The following TLK1 variants were observed in gnomAD, a reference collection of about 807,000 sequenced individuals.
The protein encoded by TLK1 is serine/threonine-protein kinase tousled-like 1.
Under a neutral mutation model 105.3 loss-of-function variants are expected in TLK1, and 24 were observed. That is an observed-to-expected ratio of 0.23 (90% confidence interval 0.17 to 0.32). TLK1 has a LOEUF of 0.32. Ranked by LOEUF, TLK1 falls within the 10% of genes least tolerant of loss-of-function variation. The probability of loss-of-function intolerance (pLI) is 1.00; values close to 1 mark genes in which losing one functional copy is unlikely to be tolerated. For synonymous variants in TLK1, 321 were observed against 310.4 expected (o/e 1.03, Z -0.36); for missense variants, 558 against 910.5 (o/e 0.61, Z 4.98).
intron 2 of TLK1, among the ~76,000 whole-genome samples, chr2:171,100,337 T>C (rs956647720): frequency 1.7e-4 from 26 of 152,178 alleles, no homozygotes; most frequent in Non-Finnish European, 3.5e-4. Context: ...GCTTGTGTTA[T>C]ATCTCCCTCA....
intron 1 of TLK1, among the ~76,000 whole-genome samples, chr2:171,188,434 G>A (rs1014200401): frequency 1.3e-5 from 2 of 151,620 alleles, no homozygotes; most frequent in East Asian, 1.9e-4. Context: ...GGCCAAGCAC[G>A]GTGGTTCACG....
At chr2:171,195,543 C>T (rs943239883) in intron 1 of TLK1, among the ~76,000 whole-genome samples, 1 of 150,560 alleles carries the variant, frequency 6.6e-6, no homozygotes. Flanking sequence ...CATGGATAAG[C>T]TCTATATTTG....
At chr2:171,110,362 G>A (rs1007765717) in intron 2 of TLK1, among the ~76,000 whole-genome samples, 42 of 152,138 alleles carry the variant, frequency 2.8e-4, no homozygotes, top group Non-Finnish European at 1.2e-4. Flanking sequence ...CCAGCTACTC[G>A]GGAGGCTGAG....
At chr2:171,161,129 G>GCTCC (rs1210337943), upstream of TLK1, among the ~76,000 whole-genome samples, 2 of 147,712 alleles carry the variant, frequency 1.4e-5, no homozygotes, top group Non-Finnish European at 3.0e-5. Flanking sequence ...GCCGCGCGGC[G>GCTCC]CGGGAGCCCG....
chr2:171,182,053 T>G (rs1002320130), intron 1 of TLK1, among the ~76,000 whole-genome samples: 1 of 152,218 alleles, frequency 6.6e-6, no homozygotes. Context: ...CCTGAGCATG[T>G]AGAGAAAAAT....
upstream of TLK1, chr2:171,160,984 G>A (rs1692477182): frequency 5.0e-6 from 1 of 198,272 alleles, no homozygotes; most frequent in South Asian, 1.4e-4. The surrounding 1 kb of genome is among the most constrained non-coding windows in gnomAD (Gnocchi z 4.4). Flanking sequence ...CGGCGGCGGC[G>A]GCGGCAGCGG....
At position 171,160,335 on chromosome 2, in the gene TLK1, T is replaced by TGGC; in HGVS notation, c.91_93dup (p.Ala31dup). On this transcript the variant is annotated inframe_insertion, in exon 1 of 21. Coordinates refer to ENST00000431350, the MANE Select transcript of TLK1 (RefSeq NM_012290.5). This position sits in a 1 kb window ranked among gnomAD's most constrained non-coding sequence, Gnocchi z 4.4. ...GGCGGCGTGTGATTCAGCAGGGACC[T>TGGC]GGCCGCCGCCGCCGAGCCCGGGGTT... 6.2e-7 allele frequency: 1 copy of TGGC among 1,603,262 alleles called. No individual in the cohort carries two copies. The highest frequency in any genetic ancestry group is 8.5e-7 in the Non-Finnish European group (1 of 1,175,922).
intron 1 of TLK1, among the ~76,000 whole-genome samples, chr2:171,216,670 G>A (rs776580316): frequency 8.5e-5 from 13 of 152,138 alleles, no homozygotes; most frequent in East Asian, 1.9e-4. Flanking sequence ...TTATTTAGAA[G>A]TAGGGCCATT....
intron 1 of TLK1, among the ~76,000 whole-genome samples, chr2:171,228,551 T>TA (rs995413003): frequency 1.2e-4 from 18 of 152,308 alleles, no homozygotes; most frequent in African/African-American, 4.3e-4. Context: ...ACCTTGTCTC[T>TA]AAAAAAACCC....
At chr2:171,227,570 T>TTA (rs1693922314) in intron 1 of TLK1, among the ~76,000 whole-genome samples, 1 of 50,964 alleles carries the variant, frequency 2.0e-5, no homozygotes, top group Non-Finnish European at 3.4e-5. Context: ...TAAATCTCCT[T>TTA]TTTTTTTTTT....
chr2:171,214,086 G>C (rs111750217), intron 1 of TLK1, among the ~76,000 whole-genome samples: 4,922 of 151,572 alleles, frequency 0.032, 274 homozygotes, highest in East Asian at 0.2. Context: ...CATGCCTGTA[G>C]TTTCAGCTAC....
chr2:171,189,769 T>G (rs1038820747), intron 1 of TLK1, among the ~76,000 whole-genome samples: 6 of 152,168 alleles, frequency 3.9e-5, no homozygotes, highest in South Asian at 4.1e-4. Flanking sequence ...TCCCTTTGTA[T>G]ATGGTTTTTG....
Position 171,103,532 on chromosome 2 carries a change from G to A in TLK1, c.258+14207C>T, listed in dbSNP as rs149095521. On this transcript the variant is annotated intron_variant, in intron 2 of 20. Coordinates refer to ENST00000431350, the MANE Select transcript of TLK1 (RefSeq NM_012290.5). ...GGTGGGATTACAGGCATGAGCCACC[G>A]CTCTTGACCTCAAATTTATATTTAA... Among the ~76,000 whole-genome samples the A allele has an allele frequency of 4.7e-3, 721 of 152,000 alleles. 7 individuals carry two copies. The highest frequency in any genetic ancestry group is 0.016 in the African/African-American group (661 of 41,436).
At chr2:171,152,598 T>C (rs1300595837) in intron 1 of TLK1, among the ~76,000 whole-genome samples, 4 of 152,196 alleles carry the variant, frequency 2.6e-5, no homozygotes, top group African/African-American at 9.7e-5. Flanking sequence ...ACAGATTAGC[T>C]AGACTGCACA....
At chr2:171,155,759 CTCCACTGT>C (rs1390570230) in intron 1 of TLK1, 20 of 152,144 alleles carry the variant, frequency 1.3e-4, no homozygotes, top group Admixed American at 3.3e-4. Flanking sequence ...TCCATTGTTG[CTCCACTGT>C]TCCACTGTTC....
intron 1 of TLK1, among the ~76,000 whole-genome samples, chr2:171,150,801 G>T (rs1290507345): frequency 6.6e-6 from 1 of 152,208 alleles, no homozygotes; most frequent in East Asian, 1.9e-4. Context: ...TACCCAGTAT[G>T]TGAACCAATA....
intron 1 of TLK1, among the ~76,000 whole-genome samples, chr2:171,149,509 T>C (rs1272851537): frequency 6.6e-6 from 1 of 152,188 alleles, no homozygotes; most frequent in African/African-American, 2.4e-5. Context: ...TATAATGCTG[T>C]CAACTAGGTC....
chr2:171,184,323 C>A (rs1431453888), intron 1 of TLK1, among the ~76,000 whole-genome samples: 11 of 152,130 alleles, frequency 7.2e-5, no homozygotes. Flanking sequence ...ATTGTTTAAG[C>A]CATCAAGTTT....
chr2:171,129,782 G>A (rs1031753506), intron 1 of TLK1, among the ~76,000 whole-genome samples: 6 of 151,988 alleles, frequency 3.9e-5, no homozygotes, highest in African/African-American at 9.7e-5. Context: ...GTAGTAAGCT[G>A]TGAAATGCTG....
Sources: gnomAD v4.1 joint callset for allele counts (sites outside exome capture counted in the v4.1 genomes callset) on GRCh38, gnomAD v4.1.1 for gene constraint, Gnocchi (gnomAD v3.1) non-coding constraint, MANE v1.5 for transcripts, NCBI Gene and HGNC (gene_info 2026-07-23, HGNC 2026-07-21) for gene names.